The following GABRP variants were observed in gnomAD, a reference collection of about 807,000 sequenced individuals.
GABRP encodes gamma-aminobutyric acid type A receptor subunit pi.
GABRP carries 52 observed loss-of-function variants against 47.8 expected under a neutral mutation model. That is an observed-to-expected ratio of 1.09 (90% CI 0.87 to 1.37). The LOEUF (loss-of-function observed/expected upper bound fraction) is 1.37. Ranked by LOEUF, GABRP falls within the 40% of genes most tolerant of loss-of-function variation. GABRP has a pLI of 0.00. For synonymous variants in GABRP, 221 were observed against 205.8 expected (o/e 1.07, Z -0.63); for missense variants, 525 against 542.8 (o/e 0.97, Z 0.33).
At chr5:170,789,962 G>A (rs1194655447) in intron 3 of GABRP, among the ~76,000 whole-genome samples, 1 of 152,096 alleles carries the variant, frequency 6.6e-6, no homozygotes, top group Non-Finnish European at 1.5e-5. Flanking sequence ...GATTCCTCCA[G>A]GCCCCATCCC....
intron 6 of GABRP, among the ~76,000 whole-genome samples, chr5:170,799,643 G>A (rs187376648): frequency 1.3e-3 from 202 of 152,108 alleles, no homozygotes; most frequent in African/African-American, 4.2e-3. Context: ...TTTTTTTCTC[G>A]TAAATTTGTT....
chr5:170,812,061 G>A lies in GABRP; in HGVS notation c.1126G>A (p.Asp376Asn), dbSNP rs140851768. 102 of 1,613,946 alleles carry A rather than the reference G, an allele frequency of 6.3e-5. No homozygotes were observed. In the Admixed American group the frequency reaches 9.5e-4, roughly 15 times the overall value. ...ISFASIEISS[D>N]NVDYSDLTMK... Reference sequence around the variant, plus strand: ...CTTTGCCAGCATTGAAATTTCCAGCGACAACGTTGACTACAGTGACTTGAC... The same window carrying A: ...CTTTGCCAGCATTGAAATTTCCAGCAACAACGTTGACTACAGTGACTTGAC... The change falls in exon 10 of 10, where the codon GAC becomes AAC. Residue 376 changes from aspartate (D) to asparagine (N), a missense_variant. By Grantham distance (23) the Asp-to-Asn change is conservative. Transcript: ENST00000265294.
At chr5:170,783,436 C>T (rs902192901), upstream of GABRP, among the ~76,000 whole-genome samples, 4 of 152,052 alleles carry the variant, frequency 2.6e-5, no homozygotes, top group African/African-American at 4.8e-5. Flanking sequence ...ATTCAGAGCC[C>T]GGCATAGTGG....
At chr5:170,807,644 T>C (rs1477463428) in intron 7 of GABRP, among the ~76,000 whole-genome samples, 3 of 152,186 alleles carry the variant, frequency 2.0e-5, no homozygotes, top group Non-Finnish European at 4.4e-5. Flanking sequence ...TTCAAATCAC[T>C]AAAACTTCCT....
chr5:170,791,441 G>T (rs1201766036), intron 3 of GABRP, among the ~76,000 whole-genome samples: 1 of 152,232 alleles, frequency 6.6e-6, no homozygotes, highest in African/African-American at 2.4e-5. Flanking sequence ...ACCTTCATAG[G>T]ATTTCTTAGG....
intron 7 of GABRP, among the ~76,000 whole-genome samples, chr5:170,807,386 A>G (rs898610467): frequency 4.6e-5 from 7 of 152,242 alleles, no homozygotes; most frequent in African/African-American, 1.7e-4. Context: ...AGTTGGGTTC[A>G]TATAAAAAAT....
Position 170,783,887 on chromosome 5 carries a change from C to G in GABRP, c.-43+13C>G, listed in dbSNP as rs1765063733. The G allele has an allele frequency of 6.6e-6, 1 of 152,354 alleles. No homozygotes were observed. Among genetic ancestry groups the G allele is most frequent in the African/African-American group, 2.4e-5 (1 of 41,452 alleles). The allele number at this position is 152,354 out of a possible 1,614,324, so 9.4% of individuals were successfully genotyped here. Reference sequence around the variant, plus strand: ...CAACAACTACCTGGTAAGGAAACTGCTGGCCCCTCCAGGTGTCTGGAGAGA... The same window carrying G: ...CAACAACTACCTGGTAAGGAAACTGGTGGCCCCTCCAGGTGTCTGGAGAGA... On this transcript the variant is annotated intron_variant, in intron 1 of 9. Transcript: ENST00000265294.
chr5:170,811,913 C>A, intron 9 of GABRP, 43 bp from the exon 10 acceptor site: 2 of 1,556,574 alleles, frequency 1.3e-6, no homozygotes, highest in Non-Finnish European at 1.8e-6. Context: ...ATTTATTTTG[C>A]TGAGTCAAGT....
At chr5:170,797,188 C>T (rs990103684) in intron 5 of GABRP, among the ~76,000 whole-genome samples, 6 of 152,238 alleles carry the variant, frequency 3.9e-5, no homozygotes, top group African/African-American at 1.2e-4. Context: ...TAAAGCATCT[C>T]GAGCCAATGC....
At chr5:170,798,741 G>A (rs79771378) in intron 6 of GABRP, among the ~76,000 whole-genome samples, 5,360 of 151,720 alleles carry the variant, frequency 0.035, 302 homozygotes, top group African/African-American at 0.12. Context: ...TACATTTTTA[G>A]GTCTAAAAAA....
intron 1 of GABRP, among the ~76,000 whole-genome samples, chr5:170,785,799 A>G (rs1158808727): frequency 1.3e-5 from 2 of 152,340 alleles, no homozygotes; most frequent in African/African-American, 4.8e-5. Flanking sequence ...CCAGACCAGG[A>G]GAAAGACACA....
chr5:170,794,052 C>A (rs910712297), intron 3 of GABRP, among the ~76,000 whole-genome samples, 179 bp from the exon 4 acceptor site: 2 of 152,140 alleles, frequency 1.3e-5, no homozygotes, highest in African/African-American at 2.4e-5. Flanking sequence ...ACACCATACA[C>A]AATGGTTACT....
chr5:170,810,039 AT>A, intron 9 of GABRP: 1 of 688,638 alleles, frequency 1.5e-6, no homozygotes. Flanking sequence ...GCAAGCATCC[AT>A]GAAGAATCCA....
intron 3 of GABRP, among the ~76,000 whole-genome samples, chr5:170,789,578 G>T (rs1177301307): frequency 1.3e-5 from 2 of 152,072 alleles, no homozygotes; most frequent in African/African-American, 2.4e-5. Context: ...TACCCCATCT[G>T]GTCTTCCCCC....
intron 5 of GABRP, among the ~76,000 whole-genome samples, chr5:170,796,274 C>G (rs943002395): frequency 6.6e-6 from 1 of 152,220 alleles, no homozygotes; most frequent in African/African-American, 2.4e-5. Context: ...AAGCCCAATT[C>G]TTGTCTCATG....
chr5:170,788,798 C>A, intron 2 of GABRP, 130 bp downstream of exon 2: 1 of 832,950 alleles, frequency 1.2e-6, no homozygotes. Context: ...CCCTGGAGCA[C>A]CGAACAATGA....
intron 5 of GABRP, 32 bp downstream of exon 5, chr5:170,795,457 G>A (rs761859724): frequency 6.4e-7 from 1 of 1,566,304 alleles, no homozygotes; most frequent in South Asian, 1.1e-5. Flanking sequence ...CAGGGGTGGA[G>A]GACGGCAGCT....
At chr5:170,786,263 A>G (rs112914212) in intron 1 of GABRP, among the ~76,000 whole-genome samples, 1,884 of 152,310 alleles carry the variant, frequency 0.012, 38 homozygotes, top group African/African-American at 0.043. Context: ...GAGATGGACT[A>G]AAGGAAGAGA....
Position 170,812,080 on chromosome 5 carries a change from A to T in GABRP, c.1145A>T (p.Asp382Val). The change falls in exon 10 of 10, where the codon GAC becomes GTC. Residue 382 changes from aspartate (D) to valine (V), a missense_variant. Asp to Val is a radical substitution (Grantham distance 152, BLOSUM62 -3). Coordinates refer to ENST00000265294, the MANE Select transcript of GABRP (RefSeq NM_014211.3). Reference protein sequence around the residue: ...EISSDNVDYSDLTMKTSDKFK... With the variant: ...EISSDNVDYSVLTMKTSDKFK... ...TCCAGCGACAACGTTGACTACAGTG[A>T]CTTGACAATGAAAACCAGCGACAAG... 1.9e-6 allele frequency: 3 copies of T among 1,614,216 alleles called. No individual in the cohort carries two copies. Among genetic ancestry groups the T allele is most frequent in the Non-Finnish European group, 2.5e-6 (3 of 1,180,042 alleles).
Sources: allele counts gnomAD v4.1 joint callset (sites outside exome capture counted in the v4.1 genomes callset), GRCh38; gene constraint gnomAD v4.1.1; transcripts MANE v1.5; gene names NCBI Gene and HGNC (gene_info 2026-07-23, HGNC 2026-07-21).